The following BARX2 variants were observed in gnomAD, a reference collection of about 807,000 sequenced individuals.
BARX2 encodes BARX homeobox 2.
In BARX2, 11 loss-of-function variants were observed where a neutral mutation model predicts 25.5. That is an observed-to-expected ratio of 0.43 (90% CI 0.27 to 0.71). The LOEUF (loss-of-function observed/expected upper bound fraction) is 0.71. Among genes scored for constraint, BARX2 ranks in the 30% least tolerant of loss-of-function variants. BARX2 has a pLI of 0.19. For missense variants in BARX2, 360 were observed against 359.9 expected, an observed-to-expected ratio of 1.00 and a Z score of 0.00; for synonymous variants, 137 against 149.5, an observed-to-expected ratio of 0.92 and a Z score of 0.61.
chr11:129,397,879 A>C (rs1248899567), intron 1 of BARX2, among the ~76,000 whole-genome samples: 1 of 152,250 alleles, frequency 6.6e-6, no homozygotes, highest in Non-Finnish European at 1.5e-5. Context: ...GATCTAGCAG[A>C]GGCAGAACAT....
chr11:129,421,152 C>T (rs1008898066), intron 1 of BARX2, among the ~76,000 whole-genome samples: 1 of 152,232 alleles, frequency 6.6e-6, no homozygotes, highest in African/African-American at 2.4e-5. Flanking sequence ...CCGTGGTTTG[C>T]GAACCGATGT....
chr11:129,427,516 T>C (rs1215618524), intron 1 of BARX2, among the ~76,000 whole-genome samples: 2 of 152,162 alleles, frequency 1.3e-5, no homozygotes, highest in Non-Finnish European at 1.5e-5. Flanking sequence ...AAGCTTTCTG[T>C]GTATATATAG....
chr11:129,406,927 G>A (rs1861836494), intron 1 of BARX2, among the ~76,000 whole-genome samples: 1 of 152,202 alleles, frequency 6.6e-6, no homozygotes, highest in South Asian at 2.1e-4. Context: ...CTGTTTTCAA[G>A]TATCCAACCC....
chr11:129,407,927 C>G (rs575690105), intron 1 of BARX2, among the ~76,000 whole-genome samples: 1 of 143,908 alleles, frequency 6.9e-6, no homozygotes, highest in Non-Finnish European at 1.5e-5. Context: ...ACAGGCTGGG[C>G]GCGGTGGCTC....
chr11:129,409,352 G>C (rs73569159), intron 1 of BARX2, among the ~76,000 whole-genome samples: 6,317 of 152,196 alleles, frequency 0.042, 475 homozygotes, highest in African/African-American at 0.14. Flanking sequence ...ATTCTTCAGT[G>C]TGTTTTTTTT....
intron 1 of BARX2, among the ~76,000 whole-genome samples, chr11:129,381,872 T>C (rs1861567659): frequency 6.6e-6 from 1 of 152,216 alleles, no homozygotes. Flanking sequence ...TTCAGCCTCA[T>C]AGCACAGCAT....
intron 1 of BARX2, among the ~76,000 whole-genome samples, chr11:129,423,371 TC>T (rs1343111909): frequency 6.6e-6 from 1 of 152,182 alleles, no homozygotes. Flanking sequence ...CACCTTGGCC[TC>T]CCAAAGTGCT....
chr11:129,389,977 G>C (rs1019968257), intron 1 of BARX2, among the ~76,000 whole-genome samples: 1 of 152,170 alleles, frequency 6.6e-6, no homozygotes, highest in Non-Finnish European at 1.5e-5. Context: ...ATGGATGGCT[G>C]TCACGTGGAG....
At position 129,447,222 on chromosome 11, in the gene BARX2, C is replaced by T. The variant is rs538088326; in HGVS notation, c.574-3914C>T. Reference sequence around the variant, plus strand: ...TTCCTTCCTGCACTGACATTCCCTGCCCCCTACCCAGGCTGCTTGGAGGGA... The same window carrying T: ...TTCCTTCCTGCACTGACATTCCCTGTCCCCTACCCAGGCTGCTTGGAGGGA... On this transcript the variant is annotated intron_variant, in intron 3 of 3. Transcript: ENST00000281437. Among the ~76,000 whole-genome samples, 12 of 152,280 alleles carry T rather than the reference C, an allele frequency of 7.9e-5. 1 individual carries two copies. Among genetic ancestry groups the T allele is most frequent in the African/African-American group, 2.6e-4 (11 of 41,584 alleles).
intron 1 of BARX2, among the ~76,000 whole-genome samples, chr11:129,403,265 T>C (rs1861795843): frequency 6.6e-6 from 1 of 152,218 alleles, no homozygotes; most frequent in Non-Finnish European, 1.5e-5. Context: ...GTGGAAGAAA[T>C]TGAAGTGGAT....
At chr11:129,380,526 A>G (rs1310179290) in intron 1 of BARX2, among the ~76,000 whole-genome samples, 1 of 152,160 alleles carries the variant, frequency 6.6e-6, no homozygotes, top group Non-Finnish European at 1.5e-5. Context: ...TAGGAACCTG[A>G]GAGTTGGATA....
At chr11:129,445,202 C>T (rs544526657) in intron 3 of BARX2, among the ~76,000 whole-genome samples, 88 of 152,294 alleles carry the variant, frequency 5.8e-4, no homozygotes, top group African/African-American at 1.9e-3. Context: ...GCTTGCCCTT[C>T]CCTGGCTGAT....
intron 1 of BARX2, among the ~76,000 whole-genome samples, chr11:129,408,830 A>G (rs902754329): frequency 6.6e-6 from 1 of 152,186 alleles, no homozygotes; most frequent in African/African-American, 2.4e-5. Flanking sequence ...CTAGACTGCA[A>G]GCTCCTTGAG....
intron 1 of BARX2, among the ~76,000 whole-genome samples, chr11:129,394,176 T>TCATAG (rs1438574446): frequency 1.3e-5 from 2 of 152,232 alleles, no homozygotes; most frequent in Non-Finnish European, 2.9e-5. Flanking sequence ...TGCTTTTTTC[T>TCATAG]CATAGCATTG....
chr11:129,392,978 G>A (rs1195989339), intron 1 of BARX2, among the ~76,000 whole-genome samples: 1 of 152,116 alleles, frequency 6.6e-6, no homozygotes, highest in African/African-American at 2.4e-5. Flanking sequence ...CAGGTAAAGA[G>A]ACAGATAGAA....
chr11:129,380,045 C>T (rs879655925), intron 1 of BARX2, among the ~76,000 whole-genome samples: 5 of 151,844 alleles, frequency 3.3e-5, no homozygotes, highest in Non-Finnish European at 7.4e-5. Context: ...TCAATATCCT[C>T]AAGCAGAAGG....
chr11:129,442,254 C>T lies in BARX2; in HGVS notation c.489-581C>T, dbSNP rs118079167. ...GGGTAGAAAAGAAGTGGAAGGTATACGCTGCCCTGGCTACTGAGTTAGGGA... is the reference window on the plus strand; with the variant it reads ...GGGTAGAAAAGAAGTGGAAGGTATATGCTGCCCTGGCTACTGAGTTAGGGA... On this transcript the variant is annotated intron_variant, in intron 2 of 3. Coordinates refer to ENST00000281437, the MANE Select transcript of BARX2 (RefSeq NM_003658.5). 8.3e-3 allele frequency among the ~76,000 whole-genome samples: 1,261 copies of T among 152,164 alleles called. 3 individuals carry two copies. The highest frequency in any genetic ancestry group is 0.013 in the Non-Finnish European group (874 of 68,014).
intron 1 of BARX2, among the ~76,000 whole-genome samples, chr11:129,413,547 G>A (rs954650880): frequency 3.9e-5 from 6 of 152,134 alleles, no homozygotes; most frequent in African/African-American, 1.4e-4. Context: ...GGACGCTGGA[G>A]AGTCCAGAAG....
chr11:129,383,867 TTTG>T (rs1167913996), intron 1 of BARX2, among the ~76,000 whole-genome samples: 3 of 150,996 alleles, frequency 2.0e-5, no homozygotes, highest in African/African-American at 7.4e-5. Context: ...TTTTCTGTTT[TTTG>T]TTTTTTTGTT....
Sources: gnomAD v4.1 joint callset for allele counts (sites outside exome capture counted in the v4.1 genomes callset) on GRCh38, gnomAD v4.1.1 for gene constraint, MANE v1.5 for transcripts, NCBI Gene and HGNC (gene_info 2026-07-23, HGNC 2026-07-21) for gene names.